Variants in DAB1 observed in about 807,000 individuals in gnomAD.
DAB1 encodes disabled homolog 1.
DAB1 carries 15 observed loss-of-function variants against 64.6 expected under a neutral mutation model. The observed-to-expected ratio is 0.23, with a 90% CI of 0.16 to 0.36. The LOEUF (loss-of-function observed/expected upper bound fraction) is 0.36. Among genes scored for constraint, DAB1 ranks in the 10% least tolerant of loss-of-function variants. The pLI is 1.00. For missense variants in DAB1, 596 were observed against 706.7 expected, an observed-to-expected ratio of 0.84 and a Z score of 1.78; for synonymous variants, 235 against 251.9, an observed-to-expected ratio of 0.93 and a Z score of 0.64.
intron 1 of DAB1, among the ~76,000 whole-genome samples, chr1:57,366,193 G>C (rs1240608352): frequency 6.6e-6 from 1 of 152,122 alleles, no homozygotes; most frequent in Admixed American, 6.5e-5. Context: ...TGATAGCTAT[G>C]GATTTTCCCA....
intron 8 of DAB1, among the ~76,000 whole-genome samples, chr1:57,066,504 G>C (rs1650928151): frequency 6.6e-6 from 1 of 152,114 alleles, no homozygotes; most frequent in South Asian, 2.1e-4. Flanking sequence ...AAGACTATTA[G>C]AAAAACCTCG....
intron 3 of DAB1, among the ~76,000 whole-genome samples, chr1:58,345,210 T>C (rs1027793212): frequency 2.6e-5 from 4 of 152,148 alleles, no homozygotes; most frequent in African/African-American, 9.7e-5. Flanking sequence ...TTAGCCTACC[T>C]CAGTAGTCTC....
chr1:58,452,430 CGAT>C (rs1430256446), intron 3 of DAB1, among the ~76,000 whole-genome samples: 8 of 151,812 alleles, frequency 5.3e-5, no homozygotes, highest in Non-Finnish European at 1.2e-4. Context: ...CACATGTTCA[CGAT>C]GATGTGGGCC....
At chr1:57,000,113 G>A (rs147425000) in intron 14 of DAB1, among the ~76,000 whole-genome samples, 8 of 147,920 alleles carry the variant, frequency 5.4e-5, no homozygotes, top group African/African-American at 1.0e-4. Context: ...GCGCGATGTC[G>A]GCTCACTGCA....
At chr1:58,247,574 A>G (rs1027018100) in intron 4 of DAB1, among the ~76,000 whole-genome samples, 6 of 152,146 alleles carry the variant, frequency 3.9e-5, no homozygotes, top group African/African-American at 4.8e-5. Flanking sequence ...TTCACAAATA[A>G]TTGTCTTATC....
chr1:57,112,771 T>C (rs1318471985), intron 4 of DAB1, among the ~76,000 whole-genome samples: 1 of 152,058 alleles, frequency 6.6e-6, no homozygotes, highest in Non-Finnish European at 1.5e-5. Flanking sequence ...CATTTGTTCA[T>C]TCAGATAATT....
chr1:57,870,154 T>G (rs1025608079), intron 1 of DAB1, among the ~76,000 whole-genome samples: 1 of 152,130 alleles, frequency 6.6e-6, no homozygotes, highest in African/African-American at 2.4e-5. Flanking sequence ...ATACTATATC[T>G]AAGTGGCATA....
chr1:57,477,704 G>A (rs141406254), intron 7 of DAB1, among the ~76,000 whole-genome samples: 1 of 152,254 alleles, frequency 6.6e-6, no homozygotes, highest in Non-Finnish European at 1.5e-5. Context: ...GAATTCTGAT[G>A]TGACTGGTTT....
chr1:57,853,641 T>A (rs770519360), intron 1 of DAB1, among the ~76,000 whole-genome samples: 6 of 152,240 alleles, frequency 3.9e-5, no homozygotes, highest in Non-Finnish European at 7.3e-5. Context: ...TGGATCAATT[T>A]TGTCTCAATA....
chr1:57,060,843 T>A (rs1172117035), intron 9 of DAB1, among the ~76,000 whole-genome samples: 1 of 99,594 alleles, frequency 1.0e-5, no homozygotes, highest in Non-Finnish European at 2.8e-5. Context: ...GGAGCTTGGA[T>A]TTTTTTTTTT....
At chr1:58,446,306 A>G (rs1387832504) in intron 3 of DAB1, among the ~76,000 whole-genome samples, 1 of 152,054 alleles carries the variant, frequency 6.6e-6, no homozygotes, top group Non-Finnish European at 1.5e-5. Context: ...AAATGAATGA[A>G]TAAATAAATT....
intron 7 of DAB1, among the ~76,000 whole-genome samples, chr1:57,505,535 G>T (rs947993310): frequency 6.6e-6 from 1 of 152,216 alleles, no homozygotes; most frequent in Non-Finnish European, 1.5e-5. Flanking sequence ...TGGAAGATGG[G>T]ATGGGGATGT....
intron 6 of DAB1, among the ~76,000 whole-genome samples, chr1:57,688,798 G>A (rs1646730222): frequency 6.6e-6 from 1 of 152,180 alleles, no homozygotes; most frequent in African/African-American, 2.4e-5. Flanking sequence ...CTGTTCCTAA[G>A]TGAATTAACA....
intron 1 of DAB1, among the ~76,000 whole-genome samples, chr1:57,355,999 G>A (rs550739721): frequency 4.6e-5 from 7 of 150,810 alleles, no homozygotes; most frequent in South Asian, 4.2e-4. Flanking sequence ...TTCTTCTGTC[G>A]CCCTTATCAC....
At chr1:57,864,876 C>T (rs538394913) in intron 1 of DAB1, 6 of 152,014 alleles carry the variant, frequency 3.9e-5, no homozygotes, top group African/African-American at 1.4e-4. Context: ...TGAAACAACG[C>T]TTTGTAAACC....
At chr1:57,767,461 A>T (rs967551) in intron 6 of DAB1, among the ~76,000 whole-genome samples, 150,274 of 152,318 alleles carry the variant, frequency 0.99, 74,132 homozygotes, top group East Asian at 1. Flanking sequence ...GACCCGTCTG[A>T]ATAATATAGC....
chr1:57,384,535 T>C (rs1472206674), intron 1 of DAB1, among the ~76,000 whole-genome samples: 1 of 152,228 alleles, frequency 6.6e-6, no homozygotes, highest in Non-Finnish European at 1.5e-5. Flanking sequence ...GACAGATGAA[T>C]GGATAAACCA....
At chr1:57,535,036 C>T (rs1161435006) in intron 7 of DAB1, among the ~76,000 whole-genome samples, 1 of 152,150 alleles carries the variant, frequency 6.6e-6, no homozygotes, top group Admixed American at 6.5e-5. Context: ...ATAGCTAGCT[C>T]CTTTATATCC....
intron 4 of DAB1, among the ~76,000 whole-genome samples, chr1:58,302,408 G>A (rs1662193989): frequency 6.6e-6 from 1 of 152,076 alleles, no homozygotes; most frequent in Non-Finnish European, 1.5e-5. Flanking sequence ...AGGGTGGAGG[G>A]CAGCAAAGAA....
Sources: gnomAD v4.1 joint callset for allele counts (sites outside exome capture counted in the v4.1 genomes callset) on GRCh38, gnomAD v4.1.1 for gene constraint, MANE v1.5 for transcripts, NCBI Gene and HGNC (gene_info 2026-07-23, HGNC 2026-07-21) for gene names.